TANC1: variants seen among roughly 807,000 people sequenced by gnomAD.
The protein encoded by TANC1 is tetratricopeptide repeat, ankyrin repeat and coiled-coil containing 1.
TANC1 carries 77 observed loss-of-function variants against 149.7 expected under a neutral mutation model. The observed-to-expected ratio is 0.51, with a 90% confidence interval of 0.43 to 0.62. The LOEUF is 0.62. TANC1 is among the 20% of genes least tolerant of loss of function. The pLI is 0.00. For missense variants in TANC1, 1,985 were observed against 2,321.8 expected (o/e 0.85, Z 2.98); for synonymous variants, 854 against 925.0 (o/e 0.92, Z 1.39).
chr2:159,138,333 T>C (rs2050990002), intron 5 of TANC1, among the ~76,000 whole-genome samples: 1 of 152,210 alleles, frequency 6.6e-6, no homozygotes, highest in Admixed American at 6.5e-5. Flanking sequence ...ATAGCCATGA[T>C]GTTGGTGGAT....
chr2:159,118,003 A>G (rs969301256), intron 4 of TANC1, among the ~76,000 whole-genome samples: 1 of 150,386 alleles, frequency 6.6e-6, no homozygotes, highest in African/African-American at 2.4e-5. Context: ...GTTTTTCTCT[A>G]CTGGTGTTTT....
At chr2:158,993,459 C>T (rs2035863378) in intron 1 of TANC1, among the ~76,000 whole-genome samples, 1 of 152,116 alleles carries the variant, frequency 6.6e-6, no homozygotes, top group Non-Finnish European at 1.5e-5. Context: ...ACCATGTTGC[C>T]CAGGCTGGTT....
intron 2 of TANC1, among the ~76,000 whole-genome samples, chr2:159,013,195 A>G (rs1053527018): frequency 7.9e-5 from 12 of 152,182 alleles, no homozygotes; most frequent in African/African-American, 2.7e-4. Flanking sequence ...TTGAAAATCA[A>G]TTATGTATTT....
At chr2:159,013,820 A>G (rs2038008111) in intron 2 of TANC1, among the ~76,000 whole-genome samples, 1 of 152,164 alleles carries the variant, frequency 6.6e-6, no homozygotes, top group South Asian at 2.1e-4. Flanking sequence ...ACAGAAATGT[A>G]TTGTCTCAGA....
intron 3 of TANC1, among the ~76,000 whole-genome samples, chr2:159,081,930 C>A (rs761104682): frequency 6.6e-6 from 1 of 152,240 alleles, no homozygotes; most frequent in Non-Finnish European, 1.5e-5. Flanking sequence ...GGTCCAGTGA[C>A]CAGCCCTTCT....
chr2:158,996,247 C>G (rs1010476494), intron 1 of TANC1, among the ~76,000 whole-genome samples: 6 of 152,092 alleles, frequency 3.9e-5, no homozygotes, highest in African/African-American at 1.4e-4. Flanking sequence ...GTAGTCCCAG[C>G]CACTCGTGAG....
At chr2:159,061,275 C>T (rs1243574355) in intron 2 of TANC1, among the ~76,000 whole-genome samples, 1 of 152,110 alleles carries the variant, frequency 6.6e-6, no homozygotes, top group African/African-American at 2.4e-5. Context: ...GGGCTCAGGA[C>T]AGGATACCCC....
rs1489968205 is a variant in TANC1 at position 158,994,775 on chromosome 2, A to G, written c.-125-6305A>G. Among the ~76,000 whole-genome samples, 3 of 152,220 alleles carry G rather than the reference A, an allele frequency of 2.0e-5. No individual in the cohort carries two copies. In the East Asian group the frequency reaches 5.8e-4, roughly 29 times the overall value. Reference sequence around the variant, plus strand: ...TGCCAAGTCATAAATGGTTAACTTTACTGCATTCAGATTTGAGAATATGCT... The same window carrying G: ...TGCCAAGTCATAAATGGTTAACTTTGCTGCATTCAGATTTGAGAATATGCT... On this transcript the variant is annotated intron_variant, in intron 1 of 26. Transcript: ENST00000263635.
intron 2 of TANC1, among the ~76,000 whole-genome samples, chr2:159,028,811 A>G (rs933713196): frequency 6.6e-6 from 1 of 152,240 alleles, no homozygotes; most frequent in Non-Finnish European, 1.5e-5. Flanking sequence ...TCTGTTGCCC[A>G]GTCTAGATGC....
intron 20 of TANC1, among the ~76,000 whole-genome samples, chr2:159,218,974 C>A (rs993009025): frequency 6.6e-6 from 1 of 152,192 alleles, no homozygotes; most frequent in Non-Finnish European, 1.5e-5. Flanking sequence ...CCTCCTCCCC[C>A]AAATTACCAT....
rs377276399 is a variant in TANC1 at position 159,082,656 on chromosome 2, G to A, written c.62-14981G>A. Among the ~76,000 whole-genome samples, 101 of 152,264 alleles carry A rather than the reference G, an allele frequency of 6.6e-4. 1 individual carries two copies. The highest frequency in any genetic ancestry group is 5.0e-3 in the Admixed American group (76 of 15,304). On this transcript the variant is annotated intron_variant, in intron 3 of 26. Transcript: ENST00000263635. The stretch of plus-strand genomic sequence containing the variant: ...TCCTTAGCAGAGTGCTGTAGGGACC[G>A]TTGCTGTAAACAGGCTTGGGGTATA...
intron 4 of TANC1, among the ~76,000 whole-genome samples, chr2:159,101,919 C>A (rs1197063875): frequency 6.6e-6 from 1 of 152,196 alleles, no homozygotes; most frequent in East Asian, 1.9e-4. Flanking sequence ...TATGGAGACA[C>A]TGGAGAGTGC....
Position 159,196,590 on chromosome 2 carries a change from C to T in TANC1, c.2980-18C>T, listed in dbSNP as rs775066185. The T allele has an allele frequency of 6.3e-7, 1 of 1,587,092 alleles. No individual in the cohort carries two copies. Among genetic ancestry groups the T allele is most frequent in the East Asian group, 2.3e-5 (1 of 44,302 alleles). ...AAAGTAATGCTCAGCTGTAACCTTCCCCTACTCCTGCCCCCAGGTGGACCA... is the reference window on the plus strand; with the variant it reads ...AAAGTAATGCTCAGCTGTAACCTTCTCCTACTCCTGCCCCCAGGTGGACCA... On this transcript the variant is annotated intron_variant, in intron 17 of 26. Coordinates refer to ENST00000263635, the MANE Select transcript of TANC1 (RefSeq NM_033394.3).
rs1000168178 is a variant in TANC1, at chr2:159,150,817, T to C, written c.682+261T>C. On this transcript the variant is annotated intron_variant, in intron 7 of 26. Coordinates refer to ENST00000263635, the MANE Select transcript of TANC1 (RefSeq NM_033394.3). ...AAGGAATTCCAGATCAGATCTGGCC[T>C]GTGAAACAAAAATCATTGCTCTTCT... 1.3e-4 allele frequency: 50 copies of C among 396,500 alleles called. 1 individual carries two copies. Among genetic ancestry groups the C allele is most frequent in the Non-Finnish European group, 1.8e-4 (40 of 220,164 alleles). 24.6% of individuals were successfully genotyped at this position (396,500 alleles called of 1,614,324 possible).
At chr2:159,017,039 G>A (rs1000448687) in intron 2 of TANC1, among the ~76,000 whole-genome samples, 4 of 143,538 alleles carry the variant, frequency 2.8e-5, no homozygotes, top group Admixed American at 1.4e-4. Context: ...TTTGATCCTA[G>A]GAGTATAAAA....
In TANC1 at chr2:159,068,094, T is replaced by G. The variant is rs533562134; in HGVS notation, c.61+2123T>G. 3.3e-5 allele frequency among the ~76,000 whole-genome samples: 5 copies of G among 152,342 alleles called. No individual in the cohort carries two copies. In the South Asian group the frequency reaches 1.0e-3, roughly 32 times the overall value. On this transcript the variant is annotated intron_variant, in intron 3 of 26. Coordinates refer to ENST00000263635, the MANE Select transcript of TANC1 (RefSeq NM_033394.3). ...TGCATGGTATGTGCCTTTTTGCTCT[T>G]AACTATAACCTGGTTGTATTAGGCT... is the stretch of plus-strand genomic sequence containing the variant.
rs57208685 is a variant in TANC1 at position 159,046,589 on chromosome 2, CTTTTTT to C, written c.-15-19284_-15-19279del. On this transcript the variant is annotated intron_variant, in intron 2 of 26. Transcript: ENST00000263635. ...ATGCACCATTCTTTTCTTTTCTTTA[CTTTTTT>C]TTTTTTTTTTTTTTTTTTTTTTGAG... 3.4e-3 allele frequency among the ~76,000 whole-genome samples: 290 copies of C among 84,358 alleles called. 1 individual carries two copies. The highest frequency in any genetic ancestry group is 0.015 in the African/African-American group (267 of 18,330). 55.3% of individuals were successfully genotyped at this position (84,358 alleles called of 152,430 possible). A position where few individuals can be genotyped will look rare whatever the true frequency, so the allele number is the denominator to read the frequency against.
In TANC1 at chr2:159,231,118, T is replaced by C. The variant is rs934263321; in HGVS notation, c.*106T>C. 9 of 941,730 alleles carry C rather than the reference T, an allele frequency of 9.6e-6. No individual in the cohort carries two copies. In the African/African-American group the frequency reaches 1.3e-4, roughly 14 times the overall value. 58.3% of individuals were successfully genotyped at this position (941,730 alleles called of 1,614,324 possible). A position where few individuals can be genotyped will look rare whatever the true frequency, so the allele number is the denominator to read the frequency against. ...AAAATTATTTTTTAGCCATTTTTTT[T>C]CTTTGGGGTGGATCTGATGCCATTG... On this transcript the variant is annotated 3_prime_UTR_variant, in exon 27 of 27. Transcript: ENST00000263635.
At chr2:159,000,706 A>G (rs375974671) in intron 1 of TANC1, among the ~76,000 whole-genome samples, 1 of 151,824 alleles carries the variant, frequency 6.6e-6, no homozygotes, top group East Asian at 1.9e-4. Context: ...GAGAGCAAGG[A>G]CCTCAGGAGG....
Sources: allele counts gnomAD v4.1 joint callset (sites outside exome capture counted in the v4.1 genomes callset), GRCh38; gene constraint gnomAD v4.1.1; transcripts MANE v1.5; gene names NCBI Gene and HGNC (gene_info 2026-07-23, HGNC 2026-07-21).